The following CC2D2B variants were observed in gnomAD, a reference collection of about 807,000 sequenced individuals.
CC2D2B encodes coiled-coil and C2 domain containing 2B.
Under a neutral mutation model 161.2 loss-of-function variants are expected in CC2D2B, and 128 were observed. That is an observed-to-expected ratio of 0.79 (90% CI 0.69 to 0.92). The LOEUF (loss-of-function observed/expected upper bound fraction) is 0.92, where lower values mean the gene tolerates loss of function less well. Among genes scored for constraint, CC2D2B ranks in the 40% least tolerant of loss-of-function variants. The probability of loss-of-function intolerance (pLI) is 0.00; values close to 1 mark genes in which losing one functional copy is unlikely to be tolerated. For synonymous variants in CC2D2B, 391 were observed against 449.8 expected (o/e 0.87, Z 1.65); for missense variants, 1,173 against 1,375.1 (o/e 0.85, Z 2.32).
chr10:95,954,839 C>T (rs745986661), intron 10 of CC2D2B, among the ~76,000 whole-genome samples: 2 of 152,104 alleles, frequency 1.3e-5, no homozygotes, highest in Non-Finnish European at 2.9e-5. Context: ...CTGTGACAGA[C>T]GTCTCCTTTA....
At chr10:95,917,774 C>T (rs1026310205) in intron 2 of CC2D2B, among the ~76,000 whole-genome samples, 80 of 152,014 alleles carry the variant, frequency 5.3e-4, no homozygotes, top group African/African-American at 1.9e-3. Context: ...AAAGTTATTG[C>T]AGTTATTATT....
chr10:95,918,531 C>G (rs1408259789), intron 2 of CC2D2B, among the ~76,000 whole-genome samples: 4 of 152,148 alleles, frequency 2.6e-5, no homozygotes, highest in Non-Finnish European at 5.9e-5. Flanking sequence ...TCCCTTGCTG[C>G]TTTTAGGATT....
intron 17 of CC2D2B, among the ~76,000 whole-genome samples, chr10:95,976,064 T>C (rs1358819531): frequency 6.6e-6 from 1 of 152,204 alleles, no homozygotes; most frequent in African/African-American, 2.4e-5. Flanking sequence ...GACGCATTTA[T>C]ATCTTTTTCT....
At chr10:95,914,880 T>C (rs2098513213) in intron 2 of CC2D2B, among the ~76,000 whole-genome samples, 1 of 152,236 alleles carries the variant, frequency 6.6e-6, no homozygotes, top group African/African-American at 2.4e-5. Context: ...CTGCTCAGGA[T>C]AGCTCTGGCT....
intron 6 of CC2D2B, among the ~76,000 whole-genome samples, chr10:95,933,203 G>T (rs1207276702): frequency 6.6e-6 from 1 of 151,876 alleles, no homozygotes; most frequent in African/African-American, 2.4e-5. Flanking sequence ...GCTTCACGAA[G>T]TTCTCGTGCT....
At chr10:95,959,521 A>C (rs543561683) in intron 11 of CC2D2B, among the ~76,000 whole-genome samples, 21 of 152,364 alleles carry the variant, frequency 1.4e-4, no homozygotes, top group African/African-American at 4.8e-4. Context: ...ATGAGGTTAC[A>C]GTATCCTTGA....
At position 95,998,547 on chromosome 10, in the gene CC2D2B, C is replaced by CAG. The variant is rs143523605; in HGVS notation, c.2849+2311_2849+2312dup. The stretch of plus-strand genomic sequence containing the variant: ...AGAAACAGAAACAATAGGATGTAGA[C>CAG]AGAGAGAGAGAGAGAGAAATTTATT... On this transcript the variant is annotated intron_variant, in intron 24 of 34. Coordinates refer to ENST00000646931, the MANE Select transcript of CC2D2B (RefSeq NM_001349008.3). 1.6e-4 allele frequency among the ~76,000 whole-genome samples: 24 copies of CAG among 150,112 alleles called. 1 individual carries two copies. Among genetic ancestry groups the CAG allele is most frequent in the East Asian group, 1.4e-3 (7 of 5,140 alleles).
At chr10:96,025,363 CAAA>C (rs35860002) in intron 33 of CC2D2B, among the ~76,000 whole-genome samples, 50 of 52,500 alleles carry the variant, frequency 9.5e-4, no homozygotes, top group African/African-American at 3.3e-3. Flanking sequence ...TGAGGCCTTG[CAAA>C]AAAAAAAAAA....
chr10:95,938,395 G>A (rs2075902738), intron 7 of CC2D2B, 174 bp from the exon 8 acceptor site: 2 of 607,288 alleles, frequency 3.3e-6, no homozygotes, highest in South Asian at 2.2e-5. Flanking sequence ...ATAGGCATAT[G>A]TATTTATATA....
At position 95,947,107 on chromosome 10, in the gene CC2D2B, ATATATATTTTTTTTTTTTT is replaced by A. The variant is rs1224399242; in HGVS notation, c.802-2787_802-2769del. Among the ~76,000 whole-genome samples, 49 of 37,996 alleles carry A rather than the reference ATATATATTTTTTTTTTTTT, an allele frequency of 1.3e-3. 3 individuals carry two copies. The highest frequency in any genetic ancestry group is 5.9e-3 in the African/African-American group (35 of 5,904). The allele number at this position is 37,996 out of a possible 152,430, so 24.9% of individuals were successfully genotyped here. On this transcript the variant is annotated intron_variant, in intron 9 of 34. Coordinates refer to ENST00000646931, the MANE Select transcript of CC2D2B (RefSeq NM_001349008.3). ...AATATATATATATATATATATATATATATATATTTTTTTTTTTTTTTTTGAGACAAAGTATTGCTCTGTC... is the reference window on the plus strand; with the variant it reads ...AATATATATATATATATATATATATATTTTGAGACAAAGTATTGCTCTGTC...
Position 96,016,319 on chromosome 10 carries a change from G to A in CC2D2B, c.3630+5G>A. The stretch of plus-strand genomic sequence containing the variant: ...TTGGGAACGTCAGTGTTAGAAGTAA[G>A]TGCTGGAGTTCATATTGAAATAATG... On this transcript the variant is annotated splice_donor_5th_base_variant and intron_variant, in intron 30 of 34. Coordinates refer to ENST00000646931, the MANE Select transcript of CC2D2B (RefSeq NM_001349008.3). 6.5e-7 allele frequency: 1 copy of A among 1,527,018 alleles called. No homozygotes were observed. The highest frequency in any genetic ancestry group is 9.1e-7 in the Non-Finnish European group (1 of 1,100,570). 94.6% of individuals were successfully genotyped at this position (1,527,018 alleles called of 1,614,324 possible). A position where few individuals can be genotyped will look rare whatever the true frequency, so the allele number is the denominator to read the frequency against.
Position 95,937,191 on chromosome 10 carries a change from C to G in CC2D2B, c.337-800C>G, listed in dbSNP as rs2075855209. Among the ~76,000 whole-genome samples the G allele has an allele frequency of 1.3e-5, 2 of 152,070 alleles. 1 individual carries two copies. The highest frequency in any genetic ancestry group is 2.9e-5 in the Non-Finnish European group (2 of 68,004). ...CGAGGCCATGTAGGGATTATCTGGT[C>G]AAAGGAATTCTGTGATTAACTTTTT... On this transcript the variant is annotated intron_variant, in intron 6 of 34. Transcript: ENST00000646931.
intron 6 of CC2D2B, among the ~76,000 whole-genome samples, chr10:95,927,594 A>G (rs2098541614): frequency 8.1e-6 from 1 of 123,212 alleles, no homozygotes; most frequent in African/African-American, 3.2e-5. Context: ...CATTATGCTT[A>G]TCTTTACAGG....
chr10:95,953,758 C>T (rs540148890), intron 10 of CC2D2B, among the ~76,000 whole-genome samples: 1 of 152,246 alleles, frequency 6.6e-6, no homozygotes, highest in East Asian at 1.9e-4. Context: ...ATCAACAACC[C>T]TAGCCTTTTC....
chr10:95,912,820 T>A (rs889140064), intron 2 of CC2D2B, among the ~76,000 whole-genome samples: 6 of 152,138 alleles, frequency 3.9e-5, no homozygotes, highest in Non-Finnish European at 7.4e-5. Flanking sequence ...TTTTTGGAAA[T>A]TTTTAATTTT....
At chr10:95,986,786 A>G (rs2077747130) in intron 19 of CC2D2B, among the ~76,000 whole-genome samples, 1 of 151,914 alleles carries the variant, frequency 6.6e-6, no homozygotes, top group African/African-American at 2.4e-5. Flanking sequence ...TGGTAGAGAC[A>G]GGGTTTTGTC....
chr10:95,954,518 A>G (rs955480354), intron 10 of CC2D2B, among the ~76,000 whole-genome samples: 6 of 152,162 alleles, frequency 3.9e-5, no homozygotes, highest in Non-Finnish European at 7.4e-5. Context: ...TTATTAAATT[A>G]TATGTCATAG....
intron 34 of CC2D2B, among the ~76,000 whole-genome samples, chr10:96,029,288 A>ATG (rs1213233694): frequency 2.6e-4 from 19 of 74,442 alleles, no homozygotes; most frequent in African/African-American, 3.6e-4. Context: ...ATATATATGT[A>ATG]TATATATATA....
chr10:95,965,912 T>G lies in CC2D2B; in HGVS notation c.1267T>G (p.Cys423Gly), dbSNP rs2076925685. The G allele has an allele frequency of 8.5e-7, 1 of 1,182,436 alleles. No homozygotes were observed. Among genetic ancestry groups the G allele is most frequent in the African/African-American group, 1.6e-5 (1 of 63,206 alleles). 73.2% of individuals were successfully genotyped at this position (1,182,436 alleles called of 1,614,324 possible). ...LQVQRIKMNK[C>G]DEQEQISEMS... is the part of the protein sequence containing the mutation. ...ATTAATTAGGATTAAAATGAATAAA[T>G]GTGATGAACAAGAGCAAATCTCAGA... The change falls in exon 13 of 35, where the codon TGT becomes GGT. Residue 423 changes from cysteine to glycine, a missense_variant. Transcript: ENST00000646931.
Sources: gnomAD v4.1 joint callset for allele counts (sites outside exome capture counted in the v4.1 genomes callset) on GRCh38, gnomAD v4.1.1 for gene constraint, MANE v1.5 for transcripts, NCBI Gene and HGNC (gene_info 2026-07-23, HGNC 2026-07-21) for gene names.